Variants in CRACD observed in about 807,000 individuals in gnomAD.
The protein encoded by CRACD is capping protein-inhibiting regulator of actin dynamics.
CRACD carries 56 observed loss-of-function variants against 106.8 expected under a neutral mutation model. The observed-to-expected ratio is 0.52, with a 90% confidence interval of 0.42 to 0.66. CRACD has a LOEUF of 0.66. Ranked by LOEUF, CRACD falls within the 30% of genes least tolerant of loss-of-function variation. The pLI is 0.00. For missense variants in CRACD, 1,730 were observed against 1,623.2 expected (o/e 1.07, Z -1.13); for synonymous variants, 754 against 670.8 (o/e 1.12, Z -1.92).
intron 1 of CRACD, among the ~76,000 whole-genome samples, chr4:56,067,561 A>C (rs1480428603): frequency 6.6e-6 from 1 of 152,202 alleles, no homozygotes; most frequent in African/African-American, 2.4e-5. Flanking sequence ...CTTCATTTGC[A>C]TGACAAGTTC....
intron 1 of CRACD, among the ~76,000 whole-genome samples, chr4:56,135,315 T>C (rs529532140): frequency 7.2e-5 from 11 of 152,330 alleles, no homozygotes; most frequent in Middle Eastern, 3.4e-3. Flanking sequence ...AGCTGAGTTA[T>C]ATGCTTTTGC....
At chr4:56,172,986 C>T (rs1183058955) in intron 1 of CRACD, among the ~76,000 whole-genome samples, 1 of 152,128 alleles carries the variant, frequency 6.6e-6, no homozygotes, top group East Asian at 1.9e-4. Context: ...GAACTCTCAA[C>T]CTCAGGTGAT....
At chr4:56,072,265 A>C in intron 1 of CRACD, among the ~76,000 whole-genome samples, 1 of 152,168 alleles carries the variant, frequency 6.6e-6, no homozygotes, top group African/African-American at 2.4e-5. Context: ...CTTTTGACAT[A>C]AGGCTTTCTA....
chr4:56,255,704 G>A (rs927841922), intron 2 of CRACD, among the ~76,000 whole-genome samples: 1 of 152,166 alleles, frequency 6.6e-6, no homozygotes, highest in Non-Finnish European at 1.5e-5. Context: ...GGGCTGTGAG[G>A]CATGTTGAGA....
At chr4:56,123,285 G>A (rs556010964) in intron 1 of CRACD, among the ~76,000 whole-genome samples, 2 of 152,296 alleles carry the variant, frequency 1.3e-5, no homozygotes, top group South Asian at 4.1e-4. Context: ...TTAAACAACA[G>A]ACATTTATTT....
chr4:56,283,561 A>G (rs1743156890), intron 3 of CRACD, among the ~76,000 whole-genome samples: 1 of 152,108 alleles, frequency 6.6e-6, no homozygotes, highest in South Asian at 2.1e-4. Flanking sequence ...AGCCTGGCCA[A>G]TCACATGTTC....
intron 1 of CRACD, among the ~76,000 whole-genome samples, chr4:56,097,204 C>G (rs532824186): frequency 6.6e-6 from 1 of 152,134 alleles, no homozygotes; most frequent in African/African-American, 2.4e-5. Flanking sequence ...GCTTTTGGCT[C>G]TATCATCAGC....
intron 3 of CRACD, among the ~76,000 whole-genome samples, chr4:56,272,858 C>T (rs1186906663): frequency 6.7e-6 from 1 of 148,244 alleles, no homozygotes; most frequent in Non-Finnish European, 1.5e-5. Flanking sequence ...GAGATCATGC[C>T]ACTGCACTCC....
At chr4:56,307,405 G>T in intron 4 of CRACD, 130 bp from the exon 5 acceptor site, 2 of 698,248 alleles carry the variant, frequency 2.9e-6, no homozygotes, top group Non-Finnish European at 4.7e-6. Context: ...TTCCTGGCAT[G>T]GTGTTGAGTC....
At chr4:56,247,306 C>T (rs190969970) in intron 2 of CRACD, among the ~76,000 whole-genome samples, 35 of 152,214 alleles carry the variant, frequency 2.3e-4, no homozygotes, top group Admixed American at 1.2e-3. Context: ...TACAGTGAAG[C>T]AGTATTCTTA....
chr4:56,079,353 A>G (rs1359962207), intron 1 of CRACD, among the ~76,000 whole-genome samples: 1 of 152,204 alleles, frequency 6.6e-6, no homozygotes, highest in East Asian at 1.9e-4. Flanking sequence ...TGTTTGAATC[A>G]TCATTCTGTA....
chr4:56,173,526 AAT>A (rs1402430947), intron 1 of CRACD, among the ~76,000 whole-genome samples: 5 of 152,178 alleles, frequency 3.3e-5, no homozygotes, highest in Non-Finnish European at 7.3e-5. Context: ...CGCTATATTA[AAT>A]ATGTTTAGAG....
At chr4:56,208,460 C>T (rs1738237545) in intron 2 of CRACD, among the ~76,000 whole-genome samples, 1 of 152,172 alleles carries the variant, frequency 6.6e-6, no homozygotes, top group Admixed American at 6.5e-5. Flanking sequence ...TGCATTAAAG[C>T]ATTCCAGCAT....
intron 10 of CRACD, among the ~76,000 whole-genome samples, chr4:56,326,718 G>A (rs2109806112): frequency 6.6e-6 from 1 of 151,538 alleles, no homozygotes; most frequent in African/African-American, 2.4e-5. Context: ...GGCACCCAGT[G>A]GATGCTTTTG....
intron 1 of CRACD, among the ~76,000 whole-genome samples, chr4:56,137,240 C>G (rs1735033400): frequency 6.6e-6 from 1 of 151,750 alleles, no homozygotes; most frequent in South Asian, 2.1e-4. Flanking sequence ...CTACTGCACT[C>G]CAGGCTGGGC....
chr4:56,052,186 G>T (rs1560436520), intron 1 of CRACD, among the ~76,000 whole-genome samples: 1 of 152,040 alleles, frequency 6.6e-6, no homozygotes, highest in African/African-American at 2.4e-5. Context: ...ACTGCGCCCA[G>T]CCTAAACTTT....
intron 2 of CRACD, among the ~76,000 whole-genome samples, chr4:56,257,076 G>A (rs1031395528): frequency 3.0e-5 from 4 of 133,360 alleles, no homozygotes; most frequent in African/African-American, 1.1e-4. Flanking sequence ...ATATTTTGAT[G>A]TTCTTTTTTT....
At chr4:56,081,146 C>G (rs765017385) in intron 1 of CRACD, among the ~76,000 whole-genome samples, 15 of 152,208 alleles carry the variant, frequency 9.9e-5, no homozygotes, top group Non-Finnish European at 8.8e-5. Context: ...GCATGAGCCC[C>G]TGATCCTGGC....
At chr4:56,322,961 A>C (rs113095615) in intron 8 of CRACD, among the ~76,000 whole-genome samples, 2 of 152,220 alleles carry the variant, frequency 1.3e-5, no homozygotes, top group Admixed American at 1.3e-4. Context: ...CCCAGGAGGC[A>C]GAGGTTGCAA....
Sources: allele counts gnomAD v4.1 joint callset (sites outside exome capture counted in the v4.1 genomes callset), GRCh38; gene constraint gnomAD v4.1.1; transcripts MANE v1.5; gene names NCBI Gene and HGNC (gene_info 2026-07-23, HGNC 2026-07-21).